Variants in FSTL5 observed in about 807,000 individuals in gnomAD.
The protein encoded by FSTL5 is follistatin-related protein 5.
Under a neutral mutation model 89.1 loss-of-function variants are expected in FSTL5, and 62 were observed. The ratio of observed to expected loss-of-function variants is 0.70; its 90% CI spans 0.57 to 0.86. FSTL5 has a LOEUF of 0.86. Among genes scored for constraint, FSTL5 ranks in the 40% least tolerant of loss-of-function variants. The probability of loss-of-function intolerance (pLI) is 0.00; values close to 1 mark genes in which losing one functional copy is unlikely to be tolerated. For missense variants in FSTL5, 1,057 were observed against 1,001.6 expected (o/e 1.06, Z -0.75); for synonymous variants, 383 against 346.2 (o/e 1.11, Z -1.18).
chr4:161,845,770 T>C (rs1173985900), intron 4 of FSTL5, among the ~76,000 whole-genome samples: 1 of 152,090 alleles, frequency 6.6e-6, no homozygotes, highest in African/African-American at 2.4e-5. Context: ...TTGTGAATTG[T>C]GGGCCAGGCG....
At chr4:161,413,755 A>C (rs1731680242) in intron 15 of FSTL5, among the ~76,000 whole-genome samples, 1 of 152,222 alleles carries the variant, frequency 6.6e-6, no homozygotes, top group Non-Finnish European at 1.5e-5. Flanking sequence ...AAATACAATG[A>C]AATCATGTCC....
chr4:162,137,846 A>G lies in FSTL5; in HGVS notation c.-17+25769T>C, dbSNP rs912181060. On this transcript the variant is annotated intron_variant, in intron 1 of 15. Transcript: ENST00000306100. ...CAATATCATAGCTAGCATATCATAA[A>G]CTAACACATTCATTAACAAAGTAAG... is the stretch of plus-strand genomic sequence containing the variant. 2.6e-5 allele frequency among the ~76,000 whole-genome samples: 4 copies of G among 152,270 alleles called. No homozygotes were observed. The East Asian group carries it at 7.7e-4, about 29-fold the overall frequency.
At chr4:161,836,345 C>T (rs905498940) in intron 4 of FSTL5, among the ~76,000 whole-genome samples, 2 of 150,908 alleles carry the variant, frequency 1.3e-5, no homozygotes, top group Admixed American at 6.6e-5. Context: ...AGGAGATATA[C>T]CTAATGCTAA....
intron 7 of FSTL5, among the ~76,000 whole-genome samples, chr4:161,654,234 A>G (rs1411068624): frequency 6.6e-6 from 1 of 152,172 alleles, no homozygotes; most frequent in African/African-American, 2.4e-5. Flanking sequence ...AGTATCAATC[A>G]TAGCATATAC....
intron 10 of FSTL5, among the ~76,000 whole-genome samples, chr4:161,531,432 A>G (rs1442340211): frequency 6.6e-6 from 1 of 152,130 alleles, no homozygotes; most frequent in African/African-American, 2.4e-5. Flanking sequence ...TTGTTGTGTT[A>G]TTTACCCCCA....
At chr4:162,132,295 G>A (rs1732333304) in intron 1 of FSTL5, among the ~76,000 whole-genome samples, 1 of 152,118 alleles carries the variant, frequency 6.6e-6, no homozygotes, top group African/African-American at 2.4e-5. Context: ...CTCCATCAGA[G>A]GCAAAATATG....
chr4:161,439,964 T>C (rs1732703488), intron 15 of FSTL5, among the ~76,000 whole-genome samples: 2 of 152,126 alleles, frequency 1.3e-5, no homozygotes, highest in Non-Finnish European at 2.9e-5. Flanking sequence ...ACATTTTCTG[T>C]AAGTAATTGA....
At chr4:161,865,350 A>T (rs1732050967) in intron 4 of FSTL5, among the ~76,000 whole-genome samples, 1 of 152,208 alleles carries the variant, frequency 6.6e-6, no homozygotes, top group Non-Finnish European at 1.5e-5. Context: ...TTGTGCAAAG[A>T]TCATTATTCA....
intron 7 of FSTL5, among the ~76,000 whole-genome samples, chr4:161,601,634 G>A (rs1322459660): frequency 1.3e-5 from 2 of 152,122 alleles, no homozygotes; most frequent in Non-Finnish European, 2.9e-5. Context: ...AGGGACAAGA[G>A]CATAAGAAAC....
At chr4:161,547,428 A>T (rs1732045132) in intron 8 of FSTL5, among the ~76,000 whole-genome samples, 1 of 151,950 alleles carries the variant, frequency 6.6e-6, no homozygotes, top group South Asian at 2.1e-4. Context: ...TAGATAACTA[A>T]TAAAATCCCC....
intron 6 of FSTL5, among the ~76,000 whole-genome samples, chr4:161,730,561 G>A (rs1739574516): frequency 1.3e-5 from 2 of 151,856 alleles, no homozygotes; most frequent in African/African-American, 2.4e-5. Flanking sequence ...TACAGTAAAT[G>A]GCCTCTACTC....
chr4:161,846,252 A>T (rs1033663344), intron 4 of FSTL5, among the ~76,000 whole-genome samples: 1 of 152,120 alleles, frequency 6.6e-6, no homozygotes, highest in Admixed American at 6.6e-5. Flanking sequence ...TTATATACAT[A>T]TTTGTATTTT....
intron 1 of FSTL5, among the ~76,000 whole-genome samples, chr4:162,160,260 A>T (rs1733643584): frequency 6.6e-6 from 1 of 151,876 alleles, no homozygotes; most frequent in Non-Finnish European, 1.5e-5. Flanking sequence ...CATTATAATA[A>T]TATCAATTCA....
intron 8 of FSTL5, among the ~76,000 whole-genome samples, chr4:161,568,906 A>G (rs1732908562): frequency 6.6e-6 from 1 of 152,174 alleles, no homozygotes; most frequent in Non-Finnish European, 1.5e-5. Flanking sequence ...AATTACATGT[A>G]CTGTCTTTAG....
intron 1 of FSTL5, among the ~76,000 whole-genome samples, chr4:162,149,451 C>A (rs1733139252): frequency 6.6e-6 from 1 of 151,422 alleles, no homozygotes; most frequent in Non-Finnish European, 1.5e-5. Flanking sequence ...ACAGAGAGAC[C>A]CCTATCTCTA....
intron 4 of FSTL5, among the ~76,000 whole-genome samples, chr4:161,916,135 A>T (rs965961017): frequency 1.3e-5 from 2 of 152,192 alleles, no homozygotes; most frequent in African/African-American, 4.8e-5. Flanking sequence ...AACAGTGCAC[A>T]GATCGCTGTG....
intron 10 of FSTL5, among the ~76,000 whole-genome samples, chr4:161,537,767 T>A (rs1369036468): frequency 6.6e-6 from 1 of 152,104 alleles, no homozygotes; most frequent in Admixed American, 6.6e-5. Context: ...GTGACTGCAA[T>A]GTAACTGACA....
intron 6 of FSTL5, among the ~76,000 whole-genome samples, chr4:161,712,505 G>C (rs1738822169): frequency 4.6e-5 from 7 of 152,098 alleles, no homozygotes; most frequent in Admixed American, 4.6e-4. Context: ...GACTAACTGG[G>C]TTTAAATGAC....
chr4:161,514,713 A>C (rs1730757648), intron 10 of FSTL5, among the ~76,000 whole-genome samples: 1 of 152,168 alleles, frequency 6.6e-6, no homozygotes, highest in African/African-American at 2.4e-5. Flanking sequence ...CATTAATCTA[A>C]GAAACAAATA....
Sources: allele counts gnomAD v4.1 joint callset (sites outside exome capture counted in the v4.1 genomes callset), GRCh38; gene constraint gnomAD v4.1.1; transcripts MANE v1.5; gene names NCBI Gene and HGNC (gene_info 2026-07-23, HGNC 2026-07-21).